The following UNC13C variants were observed in gnomAD, a reference collection of about 807,000 sequenced individuals.
UNC13C encodes the protein protein unc-13 homolog C.
UNC13C carries 174 observed loss-of-function variants against 245.4 expected under a neutral mutation model. That is an observed-to-expected ratio of 0.71 (90% confidence interval 0.63 to 0.80). The LOEUF (loss-of-function observed/expected upper bound fraction) is 0.80. UNC13C is among the 30% of genes least tolerant of loss of function. The probability of loss-of-function intolerance (pLI) is 0.00; values close to 1 mark genes in which losing one functional copy is unlikely to be tolerated. For synonymous variants in UNC13C, 992 were observed against 895.1 expected (o/e 1.11, Z -1.93); for missense variants, 2,829 against 2,602.9 (o/e 1.09, Z -1.89).
intron 17 of UNC13C, among the ~76,000 whole-genome samples, chr15:54,377,927 A>T (rs1309291676): frequency 6.6e-6 from 1 of 152,194 alleles, no homozygotes; most frequent in Non-Finnish European, 1.5e-5. Context: ...CTGTGAACTT[A>T]GTTACAAGTA....
intron 18 of UNC13C, among the ~76,000 whole-genome samples, chr15:54,412,394 G>T (rs61059608): frequency 6.6e-6 from 1 of 151,990 alleles, no homozygotes; most frequent in African/African-American, 2.4e-5. Context: ...ACTGCCAAAC[G>T]CTTTTAAAAC....
At chr15:54,090,886 A>C (rs1166117762) in intron 2 of UNC13C, among the ~76,000 whole-genome samples, 3 of 152,148 alleles carry the variant, frequency 2.0e-5, no homozygotes, top group Non-Finnish European at 4.4e-5. Flanking sequence ...TGTGTGGTGT[A>C]ACTGGCACAT....
chr15:53,872,694 G>A, the UNC13C span, among the ~76,000 whole-genome samples: 332 of 152,182 alleles, frequency 2.2e-3, 3 homozygotes, highest in African/African-American at 7.9e-3. Context: ...GGCCTGTAGT[G>A]ACCTGGCCCC....
intron 2 of UNC13C, among the ~76,000 whole-genome samples, chr15:54,067,216 C>T (rs553764914): frequency 1.3e-5 from 2 of 152,188 alleles, no homozygotes; most frequent in South Asian, 2.1e-4. Flanking sequence ...TCAAGGAAAA[C>T]TGTATTGTCG....
At chr15:54,292,996 ATG>A (rs765639499) in intron 10 of UNC13C, among the ~76,000 whole-genome samples, 5 of 150,376 alleles carry the variant, frequency 3.3e-5, no homozygotes, top group Non-Finnish European at 7.4e-5. Context: ...TTCTCCTTAT[ATG>A]TGTGTGTGTA....
At chr15:54,588,232 C>A in intron 30 of UNC13C, among the ~76,000 whole-genome samples, 1 of 152,184 alleles carries the variant, frequency 6.6e-6, no homozygotes, top group Non-Finnish European at 1.5e-5. Flanking sequence ...TGAAATGCAA[C>A]AGAAATGCTG....
Position 54,013,498 on chromosome 15 carries a change from G to C in UNC13C, c.595G>C (p.Glu199Gln), listed in dbSNP as rs1331113277. 1 of 1,613,884 alleles carries C rather than the reference G, an allele frequency of 6.2e-7. No homozygotes were observed. The highest frequency in any genetic ancestry group is 8.5e-7 in the Non-Finnish European group (1 of 1,179,856). Residue 199 changes from glutamate to glutamine, a missense_variant, in exon 2 of 33, where the codon GAG (glutamate) becomes CAG (glutamine). Glu to Gln is a conservative substitution (Grantham distance 29). Transcript: ENST00000260323. The stretch of plus-strand genomic sequence containing the variant: ...TCAAGAATGTGTCTCCTCAGACTCA[G>C]AGTTAAGCACCATGAAAAAATCCTG... Reference protein sequence around the residue: ...KSQECVSSDSELSTMKKSWGI... With the variant: ...KSQECVSSDSQLSTMKKSWGI...
chr15:54,038,124 A>ATATAAAAATTT, intron 2 of UNC13C, among the ~76,000 whole-genome samples: 6 of 45,040 alleles, frequency 1.3e-4, no homozygotes, highest in African/African-American at 6.4e-4. Context: ...ATATATATAT[A>ATATAAAAATTT]TTTTTTTTTT....
At chr15:54,544,924 C>A (rs944510530) in intron 26 of UNC13C, among the ~76,000 whole-genome samples, 10 of 152,168 alleles carry the variant, frequency 6.6e-5, no homozygotes, top group African/African-American at 2.4e-4. Flanking sequence ...CATTAACTTT[C>A]TTCACATAAT....
chr15:54,318,839 T>C (rs2038077240), intron 13 of UNC13C, among the ~76,000 whole-genome samples: 1 of 151,960 alleles, frequency 6.6e-6, no homozygotes, highest in African/African-American at 2.4e-5. Flanking sequence ...TGTCATTTTT[T>C]ACATAAATCT....
chr15:54,541,227 A>G (rs1053642484), intron 26 of UNC13C, among the ~76,000 whole-genome samples: 1 of 152,062 alleles, frequency 6.6e-6, no homozygotes, highest in Non-Finnish European at 1.5e-5. Flanking sequence ...AAATCTCTGT[A>G]TATGCCTCTC....
intron 8 of UNC13C, among the ~76,000 whole-genome samples, chr15:54,261,735 A>G (rs1347587799): frequency 1.3e-5 from 2 of 152,076 alleles, no homozygotes. Flanking sequence ...TAGTAGAGAC[A>G]GAGTTTCACC....
intron 4 of UNC13C, among the ~76,000 whole-genome samples, chr15:54,198,854 C>A (rs113450363): frequency 5.3e-5 from 8 of 151,936 alleles, no homozygotes; most frequent in African/African-American, 1.9e-4. Flanking sequence ...GGATCCAAAT[C>A]AAGAAAAAAA....
rs570971150 is a variant in UNC13C, at chr15:54,503,426, A to G, written c.5301+2448A>G. Among the ~76,000 whole-genome samples, 15 of 128,430 alleles carry G rather than the reference A, an allele frequency of 1.2e-4. No individual in the cohort carries two copies. The East Asian group carries it at 3.2e-3, about 27-fold the overall frequency. The allele number at this position is 128,430 out of a possible 152,430, so 84.3% of individuals were successfully genotyped here. A position where few individuals can be genotyped will look rare whatever the true frequency, so the allele number is the denominator to read the frequency against. On this transcript the variant is annotated intron_variant, in intron 22 of 32. Coordinates refer to ENST00000260323, the MANE Select transcript of UNC13C (RefSeq NM_001080534.3). Reference sequence around the variant, plus strand: ...CAGTCAAATCCATTTTACCATTATCAGCCTTTCCTTTTTTTTTTTTTTCTT... The same window carrying G: ...CAGTCAAATCCATTTTACCATTATCGGCCTTTCCTTTTTTTTTTTTTTCTT...
chr15:54,415,997 TA>T (rs2040511793), intron 19 of UNC13C, among the ~76,000 whole-genome samples: 1 of 152,108 alleles, frequency 6.6e-6, no homozygotes, highest in African/African-American at 2.4e-5. Context: ...GACAGAGCAC[TA>T]GCAATTAGAG....
chr15:54,306,426 C>T (rs1016894050), intron 13 of UNC13C, among the ~76,000 whole-genome samples: 1 of 151,982 alleles, frequency 6.6e-6, no homozygotes, highest in Non-Finnish European at 1.5e-5. Flanking sequence ...CTAAGGAACA[C>T]ACCATTCCAC....
intron 4 of UNC13C, among the ~76,000 whole-genome samples, chr15:54,170,307 G>T (rs768968660): frequency 6.6e-6 from 1 of 151,910 alleles, no homozygotes; most frequent in Non-Finnish European, 1.5e-5. Context: ...AAACTACAGG[G>T]CAGTAAGGGG....
chr15:54,542,026 G>C (rs1006574822), intron 26 of UNC13C, among the ~76,000 whole-genome samples: 1 of 151,966 alleles, frequency 6.6e-6, no homozygotes, highest in South Asian at 2.1e-4. Flanking sequence ...AGAATGGTCT[G>C]CCTTCTGCTG....
chr15:54,118,528 TC>T (rs2030435909), intron 2 of UNC13C, among the ~76,000 whole-genome samples: 2 of 152,174 alleles, frequency 1.3e-5, no homozygotes, highest in Admixed American at 6.5e-5. Context: ...AATTCGTTTA[TC>T]CCTTCTTATA....
Sources: allele counts gnomAD v4.1 joint callset (sites outside exome capture counted in the v4.1 genomes callset), GRCh38; gene constraint gnomAD v4.1.1; transcripts MANE v1.5; gene names NCBI Gene and HGNC (gene_info 2026-07-23, HGNC 2026-07-21).